Variants in MCTP1 observed in about 807,000 individuals in gnomAD.
MCTP1 encodes multiple C2 and transmembrane domain containing 1, also known as multiple C2 and transmembrane domain-containing protein 1.
A neutral mutation model predicts 120.6 loss-of-function variants in MCTP1; 69 were observed. That is an observed-to-expected ratio of 0.57 (90% CI 0.47 to 0.70). The LOEUF (loss-of-function observed/expected upper bound fraction) is 0.70, where lower values mean the gene tolerates loss of function less well. MCTP1 is among the 30% of genes least tolerant of loss of function. The pLI is 0.00. For synonymous variants in MCTP1, 529 were observed against 493.1 expected (o/e 1.07, Z -0.96); for missense variants, 1,203 against 1,248.8 (o/e 0.96, Z 0.55).
chr5:94,912,683 G>C (rs1034727428), intron 9 of MCTP1, 123 bp downstream of exon 9: 2 of 712,042 alleles, frequency 2.8e-6, no homozygotes, highest in Non-Finnish European at 4.3e-6. Flanking sequence ...TTTCTGACAT[G>C]GTGTTCAAAA....
intron 17 of MCTP1, chr5:94,826,772 C>CTTTTTTTTTTTTTTTTTTTTTTTTT (rs61324420): frequency 2.3e-5 from 1 of 42,880 alleles, no homozygotes; most frequent in African/African-American, 1.6e-4. Flanking sequence ...GTGACCCCTG[C>CTTTTTTTTTTTTTTTTTTTTTTTTT]TTTTTTTTTT....
At chr5:95,138,773 G>A (rs1759660975) in intron 1 of MCTP1, among the ~76,000 whole-genome samples, 3 of 152,070 alleles carry the variant, frequency 2.0e-5, no homozygotes, top group Admixed American at 2.0e-4. Context: ...TCTTTTCTTT[G>A]TGCATTTAGG....
intron 7 of MCTP1, among the ~76,000 whole-genome samples, chr5:94,921,464 A>C (rs1200497756): frequency 6.6e-6 from 1 of 152,194 alleles, no homozygotes; most frequent in African/African-American, 2.4e-5. Context: ...ATAAATCTTG[A>C]TAGGAATTTA....
At chr5:94,989,932 T>A (rs142409007) in intron 2 of MCTP1, among the ~76,000 whole-genome samples, 2 of 152,310 alleles carry the variant, frequency 1.3e-5, no homozygotes, top group East Asian at 3.9e-4. Flanking sequence ...CCATGTCCCT[T>A]CCTACATACT....
At chr5:94,803,471 G>T (rs1283417593) in intron 17 of MCTP1, among the ~76,000 whole-genome samples, 4 of 152,106 alleles carry the variant, frequency 2.6e-5, no homozygotes, top group Non-Finnish European at 5.9e-5. Context: ...TTGGGACCTT[G>T]GGCAAGTTAC....
intron 1 of MCTP1, among the ~76,000 whole-genome samples, chr5:95,278,867 T>G (rs1286870084): frequency 6.7e-6 from 1 of 150,178 alleles, no homozygotes; most frequent in African/African-American, 2.5e-5. Context: ...GAGGCTGAGG[T>G]GGAAGAATTG....
chr5:94,954,691 A>ATTTCTT (rs1822115172), intron 2 of MCTP1, among the ~76,000 whole-genome samples: 1 of 152,238 alleles, frequency 6.6e-6, no homozygotes, highest in Non-Finnish European at 1.5e-5. Flanking sequence ...ACTGATTTAA[A>ATTTCTT]TAGTTTTAAC....
At chr5:94,924,705 A>G (rs1427389142) in intron 6 of MCTP1, among the ~76,000 whole-genome samples, 1 of 152,204 alleles carries the variant, frequency 6.6e-6, no homozygotes, top group Non-Finnish European at 1.5e-5. Context: ...TTTAAATAGA[A>G]TATCTAAATT....
intron 2 of MCTP1, among the ~76,000 whole-genome samples, chr5:94,990,195 T>C (rs1831258921): frequency 6.6e-6 from 1 of 152,148 alleles, no homozygotes; most frequent in African/African-American, 2.4e-5. Context: ...GTGTTAACAC[T>C]GGGTAATTAG....
intron 2 of MCTP1, among the ~76,000 whole-genome samples, chr5:94,984,576 T>A (rs1830116319): frequency 6.6e-6 from 1 of 152,182 alleles, no homozygotes; most frequent in Non-Finnish European, 1.5e-5. Context: ...AGGAGGAATG[T>A]AGGTGGTGAG....
At position 94,871,358 on chromosome 5, in the gene MCTP1, C is replaced by A; in HGVS notation, c.2096G>T (p.Arg699Leu). The A allele has an allele frequency of 6.2e-7, 1 of 1,612,468 alleles. No homozygotes were observed. The highest frequency in any genetic ancestry group is 1.1e-5 in the South Asian group (1 of 91,032). The change falls in exon 14 of 23, where the codon CGA becomes CTA. Residue 699 changes from arginine (R) to leucine (L), a missense_variant. Physicochemically the swap from Arg to Leu is moderately radical, Grantham distance 102. This residue lies in a region of MCTP1 where 740 missense variants were observed against 871.1 expected (regional missense o/e 0.85). Transcript: ENST00000515393. ...EVTVYDEDRD[R>L]SADFLGKVAI... ...AACTTTGCCCAGAAAGTCAGCACTT[C>A]GATCCCGATCTTCATCATAAACTGT...
intron 1 of MCTP1, chr5:95,081,544 G>T: frequency 6.4e-7 from 1 of 1,555,690 alleles, no homozygotes; most frequent in Non-Finnish European, 8.7e-7. Flanking sequence ...ATTTAGACTT[G>T]CTTTCTTCAC....
intron 18 of MCTP1, chr5:94,789,450 T>C (rs1165535462): frequency 6.6e-6 from 1 of 152,236 alleles, no homozygotes; most frequent in East Asian, 1.9e-4. Flanking sequence ...CTTCCACCAT[T>C]CTACCATTTT....
chr5:95,284,052 C>A lies in MCTP1; in HGVS notation c.524G>T (p.Arg175Met). 2.0e-6 allele frequency: 3 copies of A among 1,534,172 alleles called. No homozygotes were observed. The highest frequency in any genetic ancestry group is 2.5e-5 in the East Asian group (1 of 40,020). The change falls in exon 1 of 23, where the codon AGG (arginine) becomes ATG (methionine). Residue 175 changes from arginine (R) to methionine (M), a missense_variant. By Grantham distance (91) the Arg-to-Met change is moderately conservative (BLOSUM62 -1). Coordinates refer to ENST00000515393, the MANE Select transcript of MCTP1 (RefSeq NM_024717.7). This position sits in a 1 kb window ranked among gnomAD's most constrained non-coding sequence, Gnocchi z 5.2. ...SLSSSPQPPP[R>M]GDRARDEGAR... ...ACCCTCATCTCGGGCGCGGTCCCCCCTCGGGGGAGGCTGGGGCGAGGAGGA... is the reference window on the plus strand; with the variant it reads ...ACCCTCATCTCGGGCGCGGTCCCCCATCGGGGGAGGCTGGGGCGAGGAGGA...
chr5:95,173,728 C>T (rs1218672482), intron 1 of MCTP1, among the ~76,000 whole-genome samples: 2 of 151,512 alleles, frequency 1.3e-5, no homozygotes, highest in Non-Finnish European at 2.9e-5. Context: ...AGACAAGAAT[C>T]ATCAGACATT....
chr5:94,879,461 T>C (rs1799600822), intron 12 of MCTP1, among the ~76,000 whole-genome samples: 1 of 152,104 alleles, frequency 6.6e-6, no homozygotes, highest in African/African-American at 2.4e-5. Flanking sequence ...GGGGCAATAC[T>C]ACCCTCCTCC....
intron 5 of MCTP1, among the ~76,000 whole-genome samples, chr5:94,936,689 A>G (rs559102603): frequency 6.6e-6 from 1 of 152,256 alleles, no homozygotes; most frequent in African/African-American, 2.4e-5. Context: ...GGTAAATATA[A>G]GAACCAGTTC....
At chr5:95,127,690 G>A (rs750901206) in intron 1 of MCTP1, among the ~76,000 whole-genome samples, 6 of 152,164 alleles carry the variant, frequency 3.9e-5, no homozygotes, top group Non-Finnish European at 7.3e-5. Context: ...AACATCCAAC[G>A]AGAGTGAGTG....
chr5:95,199,741 C>T (rs1156971127), intron 1 of MCTP1, among the ~76,000 whole-genome samples: 9 of 151,620 alleles, frequency 5.9e-5, no homozygotes, highest in African/African-American at 2.2e-4. Flanking sequence ...CGCCTGTAAT[C>T]CCAGCTACTC....
Sources: allele counts gnomAD v4.1 joint callset (sites outside exome capture counted in the v4.1 genomes callset), GRCh38; gene constraint gnomAD v4.1.1; regional missense constraint gnomAD v4.1.1; non-coding constraint Gnocchi (gnomAD v3.1); transcripts MANE v1.5; gene names NCBI Gene and HGNC (gene_info 2026-07-23, HGNC 2026-07-21).